The following HHIP variants were observed in gnomAD, a reference collection of about 807,000 sequenced individuals.
HHIP encodes the protein hedgehog-interacting protein.
HHIP carries 12 observed loss-of-function variants against 74.0 expected under a neutral mutation model. The ratio of observed to expected loss-of-function variants is 0.16; its 90% confidence interval spans 0.10 to 0.26. The LOEUF (loss-of-function observed/expected upper bound fraction) is 0.26, where lower values mean the gene tolerates loss of function less well. HHIP is among the 10% of genes least tolerant of loss of function. HHIP has a pLI of 1.00. For synonymous variants in HHIP, 309 were observed against 311.6 expected (o/e 0.99, Z 0.09); for missense variants, 788 against 845.0 (o/e 0.93, Z 0.84).
At chr4:144,712,833 T>C (rs2126662071) in intron 8 of HHIP, among the ~76,000 whole-genome samples, 1 of 152,106 alleles carries the variant, frequency 6.6e-6, no homozygotes, top group Admixed American at 6.6e-5. Context: ...ACACCAGGAA[T>C]GAAGCAGCTG....
chr4:144,733,888 T>C (rs1351978992), intron 11 of HHIP, among the ~76,000 whole-genome samples: 1 of 152,184 alleles, frequency 6.6e-6, no homozygotes. Context: ...AAAAATCTTC[T>C]GAAGGCATCT....
chr4:144,677,360 G>T (rs1578692425), intron 4 of HHIP, among the ~76,000 whole-genome samples: 1 of 152,268 alleles, frequency 6.6e-6, no homozygotes, highest in Non-Finnish European at 1.5e-5. Flanking sequence ...TTTTTCGCAG[G>T]CTTTCTCCTT....
At chr4:144,686,621 C>T (rs914259297) in intron 4 of HHIP, among the ~76,000 whole-genome samples, 1 of 152,128 alleles carries the variant, frequency 6.6e-6, no homozygotes, top group Non-Finnish European at 1.5e-5. Context: ...CAATTGCTCT[C>T]TGCTTATCCA....
At chr4:144,683,162 A>G (rs763251221) in intron 4 of HHIP, among the ~76,000 whole-genome samples, 1 of 152,158 alleles carries the variant, frequency 6.6e-6, no homozygotes, top group Non-Finnish European at 1.5e-5. Context: ...ATTTGCTTAG[A>G]TTGTTGATAT....
chr4:144,648,058 A>G (rs1031882109), intron 1 of HHIP: 1 of 151,932 alleles, frequency 6.6e-6, no homozygotes, highest in Non-Finnish European at 1.5e-5. Flanking sequence ...CTCTATTCTC[A>G]TGTAAACAGC....
intron 4 of HHIP, chr4:144,660,146 C>T: frequency 2.3e-6 from 1 of 434,302 alleles, no homozygotes; most frequent in Non-Finnish European, 4.0e-6. Context: ...ATGGGCATAA[C>T]ACAGGACTGT....
At chr4:144,708,438 AAAGTCACAACAGGTCATTACTCAAGTG>A in intron 7 of HHIP, 127 bp downstream of exon 7, 1 of 847,752 alleles carries the variant, frequency 1.2e-6, no homozygotes, top group Non-Finnish European at 1.8e-6. Context: ...CCATGCCTCT[AAAGTCACAACAGGTCATTACTCAAGTG>A]AGTATTTAGC....
chr4:144,719,045 T>G, intron 11 of HHIP, 89 bp downstream of exon 11: 1 of 825,790 alleles, frequency 1.2e-6, no homozygotes, highest in Non-Finnish European at 2.1e-6. Flanking sequence ...ATGTCACAAT[T>G]AGCAATCAGC....
In HHIP at chr4:144,646,635, C is replaced by T. The variant is rs377747402; in HGVS notation, c.-41C>T. 1.9e-6 allele frequency: 3 copies of T among 1,590,996 alleles called. No individual in the cohort carries two copies. Among genetic ancestry groups the T allele is most frequent in the Admixed American group, 3.4e-5 (2 of 58,610 alleles). On this transcript the variant is annotated 5_prime_UTR_variant, in exon 1 of 13. Coordinates refer to ENST00000296575, the MANE Select transcript of HHIP (RefSeq NM_022475.3). ...CCCCTGCTGGGCAGTGGCGTTCCCCCCCATCCTCCCGCGCCCAGCCCCTGC... is the reference window on the plus strand; with the variant it reads ...CCCCTGCTGGGCAGTGGCGTTCCCCTCCATCCTCCCGCGCCCAGCCCCTGC...
At chr4:144,703,818 T>C (rs970794028) in intron 4 of HHIP, among the ~76,000 whole-genome samples, 1 of 152,148 alleles carries the variant, frequency 6.6e-6, no homozygotes, top group African/African-American at 2.4e-5. Context: ...TCTGGTGGTG[T>C]TTCTGATGGT....
rs1308439056 is a variant in HHIP at position 144,739,259 on chromosome 4, A to C, written c.*1302A>C. On this transcript the variant is annotated 3_prime_UTR_variant, in exon 13 of 13. Transcript: ENST00000296575. ...AAAAGTCTAGTAGATATTTTTCTTCATGGTTTTCAAAGCCAGCTCTCCACG... is the reference window on the plus strand; with the variant it reads ...AAAAGTCTAGTAGATATTTTTCTTCCTGGTTTTCAAAGCCAGCTCTCCACG... The C allele has an allele frequency of 6.6e-6, 1 of 152,216 alleles. No homozygotes were observed. The highest frequency in any genetic ancestry group is 1.5e-5 in the Non-Finnish European group (1 of 68,028). The allele number at this position is 152,216 out of a possible 1,614,324, so 9.4% of individuals were successfully genotyped here.
chr4:144,663,539 GT>G (rs961655976), intron 4 of HHIP, among the ~76,000 whole-genome samples: 4 of 152,134 alleles, frequency 2.6e-5, no homozygotes, highest in African/African-American at 9.7e-5. Flanking sequence ...TTGGATACCA[GT>G]TGTCATTTGC....
intron 7 of HHIP, among the ~76,000 whole-genome samples, chr4:144,710,576 C>T (rs995764699): frequency 1.3e-5 from 2 of 152,154 alleles, no homozygotes; most frequent in African/African-American, 2.4e-5. Flanking sequence ...TTTATTAGCT[C>T]CAATGGTTTC....
intron 4 of HHIP, among the ~76,000 whole-genome samples, chr4:144,670,232 C>T (rs917314604): frequency 2.0e-5 from 3 of 151,564 alleles, no homozygotes; most frequent in South Asian, 2.1e-4. Flanking sequence ...AGGCTGAGGC[C>T]GGCGGATCAC....
intron 11 of HHIP, among the ~76,000 whole-genome samples, chr4:144,720,113 A>T (rs1028996760): frequency 1.3e-5 from 2 of 152,094 alleles, no homozygotes; most frequent in African/African-American, 4.8e-5. Flanking sequence ...AACTGTATAC[A>T]TTTTCTTTCA....
chr4:144,719,476 G>T (rs1294346441), intron 11 of HHIP, among the ~76,000 whole-genome samples: 2 of 152,100 alleles, frequency 1.3e-5, no homozygotes, highest in Non-Finnish European at 2.9e-5. Flanking sequence ...CTTAAGTAGG[G>T]TTTTGTTATT....
intron 4 of HHIP, among the ~76,000 whole-genome samples, chr4:144,699,438 G>C (rs1186625725): frequency 6.6e-6 from 1 of 152,128 alleles, no homozygotes; most frequent in Non-Finnish European, 1.5e-5. Context: ...AGGGTCTTAA[G>C]GAGGTTTCAT....
chr4:144,676,395 A>G (rs138656405), intron 4 of HHIP, among the ~76,000 whole-genome samples: 1 of 152,370 alleles, frequency 6.6e-6, no homozygotes, highest in East Asian at 1.9e-4. Flanking sequence ...ATCATCATGT[A>G]CATTTCTACT....
chr4:144,675,867 G>A (rs975832748), intron 4 of HHIP, among the ~76,000 whole-genome samples: 6 of 152,116 alleles, frequency 3.9e-5, no homozygotes, highest in African/African-American at 1.4e-4. Flanking sequence ...TCAGTTTATA[G>A]CATAAGCAAA....
Sources: gnomAD v4.1 joint callset for allele counts (sites outside exome capture counted in the v4.1 genomes callset) on GRCh38, gnomAD v4.1.1 for gene constraint, MANE v1.5 for transcripts, NCBI Gene and HGNC (gene_info 2026-07-23, HGNC 2026-07-21) for gene names.